GCN1: variants seen among roughly 807,000 people sequenced by gnomAD.
GCN1 encodes stalled ribosome sensor GCN1.
GCN1 carries 90 observed loss-of-function variants against 288.4 expected under a neutral mutation model. That is an observed-to-expected ratio of 0.31 (90% CI 0.26 to 0.37). GCN1 has a LOEUF of 0.37. Ranked by LOEUF, GCN1 falls within the 10% of genes least tolerant of loss-of-function variation. GCN1 has a pLI of 1.00. For synonymous variants in GCN1, 1,386 were observed against 1,420.2 expected, an observed-to-expected ratio of 0.98 and a Z score of 0.54; for missense variants, 2,586 against 3,419.9, an observed-to-expected ratio of 0.76 and a Z score of 6.08.
chr12:120,135,970 C>T (rs1003706231), intron 51 of GCN1, among the ~76,000 whole-genome samples: 26 of 151,900 alleles, frequency 1.7e-4, no homozygotes, highest in African/African-American at 6.0e-4. Flanking sequence ...GAGCCGAGAT[C>T]GCGCCACTGC....
intron 5 of GCN1, among the ~76,000 whole-genome samples, 176 bp downstream of exon 5, chr12:120,183,393 C>A (rs1878726934): frequency 6.6e-6 from 1 of 152,214 alleles, no homozygotes; most frequent in Non-Finnish European, 1.5e-5. Context: ...ATACACCAAA[C>A]AATGTGATTA....
At position 120,173,398 on chromosome 12, in the gene GCN1, T is replaced by C. The variant is rs535793002; in HGVS notation, c.1366+255A>G. 2.6e-5 allele frequency among the ~76,000 whole-genome samples: 4 copies of C among 152,330 alleles called. No homozygotes were observed. In the South Asian group the frequency reaches 8.3e-4, roughly 32 times the overall value. On this transcript the variant is annotated intron_variant, in intron 14 of 57. Transcript: ENST00000300648. ...TTCTCCATGATTTCAGATACTATAG[T>C]GACAAGTTCTGGTTCTGGTCCTCTC...
In GCN1 at chr12:120,142,459, A is replaced by T. The variant is rs115227211; in HGVS notation, c.5829+48T>A. 571 of 1,406,988 alleles carry T rather than the reference A, an allele frequency of 4.1e-4. 5 individuals carry two copies. In the African/African-American group the frequency reaches 7.5e-3, roughly 18 times the overall value. 87.2% of individuals were successfully genotyped at this position (1,406,988 alleles called of 1,614,324 possible). On this transcript the variant is annotated intron_variant, in intron 44 of 57. Coordinates refer to ENST00000300648, the MANE Select transcript of GCN1 (RefSeq NM_006836.2). This position sits in a 1 kb window ranked among gnomAD's most constrained non-coding sequence, Gnocchi z 4.9. ...GCAGACCCAGCCTTCTAGGCTCTGA[A>T]AGGAGGCACTGGGGCTGCTGGTCCA...
intron 4 of GCN1, 47 bp downstream of exon 4, chr12:120,184,065 A>G (rs763097814): frequency 1.3e-6 from 2 of 1,552,968 alleles, no homozygotes; most frequent in Non-Finnish European, 8.8e-7. Flanking sequence ...GCTTCTCCTG[A>G]GCAGGACTGT....
chr12:120,149,103 G>GC (rs1342470012), intron 36 of GCN1, among the ~76,000 whole-genome samples: 3 of 151,944 alleles, frequency 2.0e-5, no homozygotes, highest in African/African-American at 4.8e-5. Context: ...TTCCTGGGGG[G>GC]GGAAAACTTT....
In GCN1 at chr12:120,170,119, CTT is replaced by C. The variant is rs751616899; in HGVS notation, c.1519+48_1519+49del. 68 of 1,549,546 alleles carry C rather than the reference CTT, an allele frequency of 4.4e-5. No homozygotes were observed. The African/African-American group carries it at 8.0e-4, about 18-fold the overall frequency. On this transcript the variant is annotated intron_variant, in intron 15 of 57. Coordinates refer to ENST00000300648, the MANE Select transcript of GCN1 (RefSeq NM_006836.2). ...CATCAAGACACACCTCCCAAGGACT[CTT>C]GTCAGAGGCCCCTGTCTCTACCATC...
At chr12:120,167,866 G>A (rs1878183353) in intron 16 of GCN1, among the ~76,000 whole-genome samples, 1 of 151,718 alleles carries the variant, frequency 6.6e-6, no homozygotes, top group African/African-American at 2.4e-5. Flanking sequence ...TCTCTTGGTG[G>A]GGGAGTAGAG....
chr12:120,133,229 C>T (rs2286043), intron 53 of GCN1, among the ~76,000 whole-genome samples: 8 of 151,820 alleles, frequency 5.3e-5, no homozygotes, highest in African/African-American at 7.3e-5. Context: ...GTGTCAATGA[C>T]GTGTAAAACC....
At chr12:120,175,725 T>C in intron 11 of GCN1, 21 bp downstream of exon 11, 1 of 1,603,920 alleles carries the variant, frequency 6.2e-7, no homozygotes, top group Non-Finnish European at 8.5e-7. Context: ...ACCACCCGCA[T>C]GGCCAAGAAG....
At position 120,129,275 on chromosome 12, in the gene GCN1, C is replaced by A; in HGVS notation, c.7890+1G>T. On this transcript the variant is annotated splice_donor_variant, in intron 57 of 57. Transcript: ENST00000300648. LOFTEE classifies it high-confidence loss of function. ...CCTGGTGAGGCCCCCCAGGCTCCCA[C>A]CTGAAACACCTCTTCACCCTGCCGC... 6.2e-7 allele frequency: 1 copy of A among 1,612,094 alleles called. No individual in the cohort carries two copies. The highest frequency in any genetic ancestry group is 8.5e-7 in the Non-Finnish European group (1 of 1,178,496).
At chr12:120,162,537 C>T (rs1877964350) in intron 20 of GCN1, among the ~76,000 whole-genome samples, 1 of 152,190 alleles carries the variant, frequency 6.6e-6, no homozygotes, top group Admixed American at 6.5e-5. Flanking sequence ...GAGAATGGAG[C>T]CCACATCGTG....
chr12:120,170,387 G>A, intron 14 of GCN1, 66 bp from the exon 15 acceptor site: 2 of 1,430,814 alleles, frequency 1.4e-6, no homozygotes, highest in Non-Finnish European at 2.0e-6. Flanking sequence ...ACTGAGAAAG[G>A]ATTTATCTAA....
In GCN1 at chr12:120,152,389, GCA is replaced by G. The variant is rs59756164; in HGVS notation, c.4062+822_4062+823del. Among the ~76,000 whole-genome samples the G allele has an allele frequency of 6.0e-3, 702 of 116,542 alleles. 4 individuals are homozygous for G. Among genetic ancestry groups the G allele is most frequent in the African/African-American group, 0.022 (638 of 29,096 alleles). 76.5% of individuals were successfully genotyped at this position (116,542 alleles called of 152,430 possible). A position where few individuals can be genotyped will look rare whatever the true frequency, so the allele number is the denominator to read the frequency against. ...CAAAATGCAAACCACACACACACGCGCACACACACACACACACACACAAAATA... is the reference window on the plus strand; with the variant it reads ...CAAAATGCAAACCACACACACACGCGCACACACACACACACACACAAAATA... On this transcript the variant is annotated intron_variant, in intron 33 of 57. Transcript: ENST00000300648.
At chr12:120,133,847 A>T (rs967560899) in intron 53 of GCN1, among the ~76,000 whole-genome samples, 1 of 152,166 alleles carries the variant, frequency 6.6e-6, no homozygotes, top group Admixed American at 6.5e-5. Flanking sequence ...AGGCGGGTGG[A>T]TCACCTGAGG....
Position 120,137,515 on chromosome 12 carries a change from A to T in GCN1, c.6663+30T>A. On this transcript the variant is annotated intron_variant, in intron 49 of 57. Transcript: ENST00000300648. The surrounding 1 kb of genome is among the most constrained non-coding windows in gnomAD (Gnocchi z 5.2). The stretch of plus-strand genomic sequence containing the variant: ...ATGTCTGGAATTTTCTAAAAGCAAA[A>T]GTTGGCTGTGGGGTCAGCAGTCCCC... 5 of 1,605,158 alleles carry T rather than the reference A, an allele frequency of 3.1e-6. No homozygotes were observed. Among genetic ancestry groups the T allele is most frequent in the Non-Finnish European group, 4.3e-6 (5 of 1,173,402 alleles).
chr12:120,171,244 T>C (rs916212464), intron 14 of GCN1, among the ~76,000 whole-genome samples: 7 of 151,684 alleles, frequency 4.6e-5, no homozygotes, highest in African/African-American at 1.7e-4. Flanking sequence ...GGCGAGCAGA[T>C]CACCCGAGGT....
At chr12:120,139,534 G>A (rs536429105) in intron 45 of GCN1, among the ~76,000 whole-genome samples, 8 of 152,038 alleles carry the variant, frequency 5.3e-5, no homozygotes, top group Non-Finnish European at 8.8e-5. Flanking sequence ...AGGCCATAGC[G>A]AGAGGATCAC....
At chr12:120,150,854 A>G (rs537437684) in intron 34 of GCN1, among the ~76,000 whole-genome samples, 20 of 151,648 alleles carry the variant, frequency 1.3e-4, no homozygotes, top group South Asian at 4.2e-4. Context: ...GGAGAATGGC[A>G]TGAACCCAGG....
intron 51 of GCN1, among the ~76,000 whole-genome samples, chr12:120,135,657 C>T (rs561873887): frequency 6.6e-6 from 1 of 152,182 alleles, no homozygotes; most frequent in South Asian, 2.1e-4. Flanking sequence ...GCCACCACGC[C>T]CGGCTTACTT....
Sources: allele counts gnomAD v4.1 joint callset (sites outside exome capture counted in the v4.1 genomes callset), GRCh38; gene constraint gnomAD v4.1.1; non-coding constraint Gnocchi (gnomAD v3.1); transcripts MANE v1.5; gene names NCBI Gene and HGNC (gene_info 2026-07-23, HGNC 2026-07-21).